The following RALGAPA1 variants were observed in gnomAD, a reference collection of about 807,000 sequenced individuals.
RALGAPA1 encodes the protein Ral GTPase activating protein catalytic subunit alpha 1, also known as ral GTPase-activating protein subunit alpha-1.
RALGAPA1 carries 52 observed loss-of-function variants against 269.6 expected under a neutral mutation model. The observed-to-expected ratio is 0.19, with a 90% CI of 0.15 to 0.24. The LOEUF is 0.24. Among genes scored for constraint, RALGAPA1 ranks in the 10% least tolerant of loss-of-function variants. RALGAPA1 has a pLI of 1.00. For missense variants in RALGAPA1, 1,917 were observed against 3,013.9 expected (o/e 0.64, Z 8.52); for synonymous variants, 817 against 1,008.3 (o/e 0.81, Z 3.60).
intron 17 of RALGAPA1, among the ~76,000 whole-genome samples, chr14:35,699,951 C>T (rs1023478667): frequency 6.7e-6 from 1 of 149,094 alleles, no homozygotes; most frequent in Non-Finnish European, 1.5e-5. Context: ...GACATTGGCA[C>T]AGCACTAAAC....
chr14:35,587,330 A>T (rs1341839677), intron 37 of RALGAPA1, among the ~76,000 whole-genome samples: 1 of 152,150 alleles, frequency 6.6e-6, no homozygotes, highest in Non-Finnish European at 1.5e-5. Context: ...AAGGATCTAG[A>T]ACTAGAAATA....
At chr14:35,668,788 G>C (rs889733847) in intron 26 of RALGAPA1, among the ~76,000 whole-genome samples, 4 of 152,108 alleles carry the variant, frequency 2.6e-5, no homozygotes, top group Non-Finnish European at 4.4e-5. Flanking sequence ...CTGTGCTACA[G>C]AGCAAGACCC....
chr14:35,551,887 GCTTT>G (rs969475981), intron 39 of RALGAPA1, among the ~76,000 whole-genome samples: 12 of 151,994 alleles, frequency 7.9e-5, no homozygotes, highest in African/African-American at 2.7e-4. Context: ...TGAAAACAAT[GCTTT>G]CTAAAATTAT....
chr14:35,773,142 C>T (rs2074763813), intron 3 of RALGAPA1, among the ~76,000 whole-genome samples: 1 of 152,110 alleles, frequency 6.6e-6, no homozygotes, highest in South Asian at 2.1e-4. Flanking sequence ...AATAATTATA[C>T]TTTAGATTTA....
chr14:35,802,249 A>C (rs1209070553), intron 1 of RALGAPA1, among the ~76,000 whole-genome samples: 1 of 152,184 alleles, frequency 6.6e-6, no homozygotes, highest in Non-Finnish European at 1.5e-5. Flanking sequence ...CGGAGGTTGC[A>C]GTGAGCTGAG....
chr14:35,788,843 C>T (rs2075973132), intron 1 of RALGAPA1, among the ~76,000 whole-genome samples: 5 of 152,166 alleles, frequency 3.3e-5, no homozygotes, highest in Admixed American at 3.3e-4. Flanking sequence ...CCAAGGAATG[C>T]TGACTTTAAT....
At chr14:35,701,401 T>A (rs10141763) in intron 16 of RALGAPA1, among the ~76,000 whole-genome samples, 26,618 of 152,136 alleles carry the variant, frequency 0.17, 4,322 homozygotes, top group East Asian at 0.45. Flanking sequence ...TCTAAATTCC[T>A]TAGATTATCA....
At chr14:35,666,386 A>G (rs1288012149) in intron 26 of RALGAPA1, among the ~76,000 whole-genome samples, 5 of 151,994 alleles carry the variant, frequency 3.3e-5, no homozygotes, top group Non-Finnish European at 7.4e-5. Flanking sequence ...CCAACTTCAT[A>G]GTTAATTTTT....
chr14:35,630,307 G>C (rs983868042), intron 33 of RALGAPA1, among the ~76,000 whole-genome samples: 7 of 149,554 alleles, frequency 4.7e-5, no homozygotes, highest in Non-Finnish European at 8.9e-5. Flanking sequence ...TTTTTTTTTG[G>C]GACAGAGTCT....
At chr14:35,626,841 G>A (rs2061018845) in intron 34 of RALGAPA1, among the ~76,000 whole-genome samples, 1 of 151,816 alleles carries the variant, frequency 6.6e-6, no homozygotes, top group South Asian at 2.1e-4. Flanking sequence ...TGAAAAATGA[G>A]CTATAATTTC....
intron 33 of RALGAPA1, among the ~76,000 whole-genome samples, chr14:35,629,958 C>A (rs2061252739): frequency 6.6e-6 from 1 of 151,306 alleles, no homozygotes; most frequent in Non-Finnish European, 1.5e-5. Flanking sequence ...GTAAACTATA[C>A]CTCAATAAAC....
At chr14:35,721,576 C>A in intron 16 of RALGAPA1, 112 bp downstream of exon 16, 1 of 993,346 alleles carries the variant, frequency 1.0e-6, no homozygotes, top group Non-Finnish European at 1.5e-6. Context: ...AGCAGTTTTT[C>A]ATTTCACAAC....
At chr14:35,602,872 C>T (rs1421851138) in intron 36 of RALGAPA1, among the ~76,000 whole-genome samples, 1 of 152,094 alleles carries the variant, frequency 6.6e-6, no homozygotes, top group Non-Finnish European at 1.5e-5. Flanking sequence ...TTTTAAAATT[C>T]TAGGTCTTAA....
chr14:35,721,347 G>C (rs2069393672), intron 16 of RALGAPA1, among the ~76,000 whole-genome samples: 1 of 152,106 alleles, frequency 6.6e-6, no homozygotes, highest in Non-Finnish European at 1.5e-5. Context: ...CCATATTTGT[G>C]AGTAAATTCC....
intron 16 of RALGAPA1, among the ~76,000 whole-genome samples, chr14:35,705,828 G>A (rs1242205573): frequency 6.6e-6 from 1 of 152,104 alleles, no homozygotes; most frequent in Non-Finnish European, 1.5e-5. Context: ...TGTTGTCAGT[G>A]TTTTGGATTT....
intron 37 of RALGAPA1, among the ~76,000 whole-genome samples, chr14:35,573,683 GA>G (rs1215075300): frequency 6.6e-6 from 1 of 152,126 alleles, no homozygotes; most frequent in African/African-American, 2.4e-5. Flanking sequence ...TCCAATTAGT[GA>G]AAGCCTCTCT....
intron 37 of RALGAPA1, among the ~76,000 whole-genome samples, chr14:35,574,898 G>A (rs1033545784): frequency 2.0e-5 from 3 of 152,034 alleles, no homozygotes; most frequent in Non-Finnish European, 4.4e-5. Context: ...AGGCTAAGGC[G>A]GGCGAATCAC....
intron 35 of RALGAPA1, among the ~76,000 whole-genome samples, chr14:35,619,188 TGTAA>T (rs1566838433): frequency 6.6e-6 from 1 of 151,992 alleles, no homozygotes; most frequent in Non-Finnish European, 1.5e-5. Flanking sequence ...ACCAGAAGAC[TGTAA>T]GTGTTAGAAG....
At chr14:35,736,626 G>C (rs1234907810) in intron 12 of RALGAPA1, among the ~76,000 whole-genome samples, 3 of 152,110 alleles carry the variant, frequency 2.0e-5, no homozygotes, top group Non-Finnish European at 4.4e-5. Flanking sequence ...GGGAAGGAAT[G>C]ATCTACTCTG....
Sources: allele counts gnomAD v4.1 joint callset (sites outside exome capture counted in the v4.1 genomes callset), GRCh38; gene constraint gnomAD v4.1.1; transcripts MANE v1.5; gene names NCBI Gene and HGNC (gene_info 2026-07-23, HGNC 2026-07-21).